EPHA6: variants seen among roughly 807,000 people sequenced by gnomAD.
The protein encoded by EPHA6 is EPH receptor A6.
A neutral mutation model predicts 112.0 loss-of-function variants in EPHA6; 50 were observed. That is an observed-to-expected ratio of 0.45 (90% confidence interval 0.36 to 0.56). EPHA6 has a LOEUF of 0.56. Among genes scored for constraint, EPHA6 ranks in the 20% least tolerant of loss-of-function variants. The probability of loss-of-function intolerance (pLI) is 0.00; values close to 1 mark genes in which losing one functional copy is unlikely to be tolerated. For synonymous variants in EPHA6, 529 were observed against 490.7 expected, an observed-to-expected ratio of 1.08 and a Z score of -1.03; for missense variants, 1,280 against 1,417.4, an observed-to-expected ratio of 0.90 and a Z score of 1.56.
chr3:97,456,411 T>C (rs1156243541), intron 7 of EPHA6, among the ~76,000 whole-genome samples: 12 of 152,066 alleles, frequency 7.9e-5, no homozygotes, highest in Non-Finnish European at 1.6e-4. Flanking sequence ...GACTAATATT[T>C]CCCCATTTCT....
chr3:97,338,360 T>TG (rs1199136778), intron 5 of EPHA6, among the ~76,000 whole-genome samples: 11 of 152,068 alleles, frequency 7.2e-5, no homozygotes, highest in African/African-American at 1.7e-4. Flanking sequence ...CTTTGATACC[T>TG]GGGGGGTCCT....
At chr3:97,437,343 C>T (rs1298181166) in intron 6 of EPHA6, among the ~76,000 whole-genome samples, 1 of 152,150 alleles carries the variant, frequency 6.6e-6, no homozygotes, top group Non-Finnish European at 1.5e-5. Flanking sequence ...GGACCATGCA[C>T]ATGTTGCCTT....
chr3:97,063,845 T>A (rs7434032), intron 3 of EPHA6, among the ~76,000 whole-genome samples: 44,888 of 152,078 alleles, frequency 0.3, 11,641 homozygotes, highest in African/African-American at 0.69. Context: ...TGGTAAGTAA[T>A]AAAAATAATT....
At chr3:97,363,230 AT>A (rs2084498891) in intron 5 of EPHA6, among the ~76,000 whole-genome samples, 11 of 75,078 alleles carry the variant, frequency 1.5e-4, no homozygotes, top group African/African-American at 2.6e-4. Context: ...ATATATATAT[AT>A]ATATATAAAT....
At chr3:97,290,788 G>C (rs1272199830) in intron 5 of EPHA6, among the ~76,000 whole-genome samples, 12 of 151,740 alleles carry the variant, frequency 7.9e-5, no homozygotes, top group Admixed American at 7.9e-4. Context: ...AGTCTAGGTA[G>C]TGGTTAATTT....
chr3:97,326,652 G>C (rs555881352), intron 5 of EPHA6, among the ~76,000 whole-genome samples: 4 of 152,126 alleles, frequency 2.6e-5, no homozygotes, highest in East Asian at 1.9e-4. Context: ...AAGTTTCAGC[G>C]TTTTAGGTTT....
chr3:97,133,322 G>A (rs544933326), intron 3 of EPHA6, among the ~76,000 whole-genome samples: 30 of 152,106 alleles, frequency 2.0e-4, no homozygotes, highest in African/African-American at 6.7e-4. Context: ...GGTTTTTTAA[G>A]ATATGTAAAT....
chr3:97,032,588 G>A (rs535694192), intron 3 of EPHA6, among the ~76,000 whole-genome samples: 15 of 152,118 alleles, frequency 9.9e-5, no homozygotes, highest in African/African-American at 3.6e-4. Flanking sequence ...TTACTTGTTA[G>A]ACTCAGGACC....
At chr3:96,938,072 G>C (rs1311708107) in intron 2 of EPHA6, among the ~76,000 whole-genome samples, 43 of 145,756 alleles carry the variant, frequency 3.0e-4, no homozygotes, top group African/African-American at 9.2e-4. Context: ...TTTGGCTTAG[G>C]ATTGACTTGG....
chr3:97,036,973 G>T (rs111579434), intron 3 of EPHA6, among the ~76,000 whole-genome samples: 17 of 151,922 alleles, frequency 1.1e-4, no homozygotes, highest in Non-Finnish European at 2.1e-4. Context: ...CATGGCCATT[G>T]ATGGACTAAT....
At chr3:97,060,637 C>T (rs1014112073) in intron 3 of EPHA6, among the ~76,000 whole-genome samples, 1 of 151,974 alleles carries the variant, frequency 6.6e-6, no homozygotes, top group African/African-American at 2.4e-5. Context: ...GTCGGCCGGG[C>T]GCGGTGGCTC....
chr3:97,668,487 A>T (rs1335563166), intron 14 of EPHA6, among the ~76,000 whole-genome samples: 1 of 152,160 alleles, frequency 6.6e-6, no homozygotes, highest in East Asian at 1.9e-4. Context: ...AGCTAACCAT[A>T]GGCTTTTCTG....
chr3:97,130,766 G>A (rs2048315639), intron 3 of EPHA6, among the ~76,000 whole-genome samples: 1 of 152,062 alleles, frequency 6.6e-6, no homozygotes, highest in Admixed American at 6.6e-5. Flanking sequence ...CTTCTAACAA[G>A]ACTATGCCTA....
intron 3 of EPHA6, among the ~76,000 whole-genome samples, chr3:97,182,553 C>T (rs750131185): frequency 3.3e-5 from 5 of 151,890 alleles, no homozygotes; most frequent in Non-Finnish European, 7.4e-5. Context: ...AACTGGAACA[C>T]AATCAGTATT....
chr3:96,935,688 C>A (rs2107668512), intron 2 of EPHA6, among the ~76,000 whole-genome samples: 1 of 147,532 alleles, frequency 6.8e-6, no homozygotes, highest in African/African-American at 2.5e-5. Flanking sequence ...ATTATATATA[C>A]ACACATTATG....
chr3:97,081,553 T>C (rs1336288043), intron 3 of EPHA6, among the ~76,000 whole-genome samples: 2 of 151,864 alleles, frequency 1.3e-5, no homozygotes, highest in African/African-American at 4.8e-5. Context: ...AGATTGAAAC[T>C]GACACACTTA....
At chr3:96,854,065 C>T (rs1216242482) in intron 1 of EPHA6, among the ~76,000 whole-genome samples, 1 of 151,322 alleles carries the variant, frequency 6.6e-6, no homozygotes, top group South Asian at 2.1e-4. Context: ...ATTATAAATT[C>T]CTCACCTACT....
chr3:97,079,606 T>TAAAAAAAAAAAAAAAAAA (rs71113851), intron 3 of EPHA6, among the ~76,000 whole-genome samples: 1 of 113,268 alleles, frequency 8.8e-6, no homozygotes, highest in African/African-American at 2.7e-5. Context: ...AAATTAAAAG[T>TAAAAAAAAAAAAAAAAAA]AAAAAAAAAA....
At chr3:97,310,555 CAA>C (rs34719068) in intron 5 of EPHA6, among the ~76,000 whole-genome samples, 3 of 144,920 alleles carry the variant, frequency 2.1e-5, no homozygotes, top group Admixed American at 6.8e-5. Flanking sequence ...TGATTATAGG[CAA>C]AAAAAAAAGA....
Sources: gnomAD v4.1 joint callset for allele counts (sites outside exome capture counted in the v4.1 genomes callset) on GRCh38, gnomAD v4.1.1 for gene constraint, MANE v1.5 for transcripts, NCBI Gene and HGNC (gene_info 2026-07-23, HGNC 2026-07-21) for gene names.